Variants in WDR35 observed in about 807,000 individuals in gnomAD.
The protein encoded by WDR35 is WD repeat-containing protein 35.
WDR35 carries 118 observed loss-of-function variants against 158.3 expected under a neutral mutation model. That is an observed-to-expected ratio of 0.75 (90% CI 0.64 to 0.87). WDR35 has a LOEUF of 0.87. Ranked by LOEUF, WDR35 falls within the 40% of genes least tolerant of loss-of-function variation. WDR35 has a pLI of 0.00. For missense variants in WDR35, 1,263 were observed against 1,405.8 expected, an observed-to-expected ratio of 0.90 and a Z score of 1.62; for synonymous variants, 448 against 476.1, an observed-to-expected ratio of 0.94 and a Z score of 0.77.
intron 25 of WDR35, among the ~76,000 whole-genome samples, chr2:19,925,281 A>T (rs1314010731): frequency 6.6e-6 from 1 of 152,248 alleles, no homozygotes; most frequent in African/African-American, 2.4e-5. Context: ...TCAAATTGTT[A>T]TATCTACTTC....
rs549676443 is a variant in WDR35, at chr2:19,960,447, C to T, written c.1255+107G>A. The T allele has an allele frequency of 1.5e-4, 134 of 893,174 alleles. No homozygotes were observed. The African/African-American group carries it at 1.8e-3, about 12-fold the overall frequency. The allele number at this position is 893,174 out of a possible 1,614,324, so 55.3% of individuals were successfully genotyped here. On this transcript the variant is annotated intron_variant, in intron 11 of 26. Coordinates refer to ENST00000281405, the MANE Select transcript of WDR35 (RefSeq NM_020779.4). ...ACAAAGTAGGAAGTATGGTCATCCT[C>T]GTTTTAGAAAACACCATTCTAATTA...
chr2:19,985,721 T>TAA lies in WDR35; in HGVS notation c.143-3189_143-3188dup, dbSNP rs34506610. Among the ~76,000 whole-genome samples the TAA allele has an allele frequency of 2.9e-3, 386 of 131,534 alleles. 7 individuals carry two copies. In the East Asian group the frequency reaches 0.057, roughly 19 times the overall value. The allele number at this position is 131,534 out of a possible 152,430, so 86.3% of individuals were successfully genotyped here. A position where few individuals can be genotyped will look rare whatever the true frequency, so the allele number is the denominator to read the frequency against. On this transcript the variant is annotated intron_variant, in intron 2 of 26. Coordinates refer to ENST00000281405, the MANE Select transcript of WDR35 (RefSeq NM_020779.4). Reference sequence around the variant, plus strand: ...TAACACGGTGAAACCCCGTCTCTACTAAAAAAAAAAAAAAAAATACAAAAA... The same window carrying TAA: ...TAACACGGTGAAACCCCGTCTCTACTAAAAAAAAAAAAAAAAAAATACAAAAA...
intron 11 of WDR35, 102 bp from the exon 12 acceptor site, chr2:19,954,080 T>G: frequency 7.7e-7 from 1 of 1,300,214 alleles, no homozygotes; most frequent in Non-Finnish European, 1.1e-6. Flanking sequence ...CCTCATTTTA[T>G]AGACAATATA....
chr2:19,919,380 C>CAAAAAAA (rs1302042752), intron 25 of WDR35, among the ~76,000 whole-genome samples: 19 of 48,184 alleles, frequency 3.9e-4, no homozygotes, highest in South Asian at 1.1e-3. Flanking sequence ...GGCTCCATCT[C>CAAAAAAA]AAAAAAAAAA....
rs1319871438 is a variant in WDR35, at chr2:19,936,258, T to C, written c.2375A>G (p.Asn792Ser). 1.9e-6 allele frequency: 3 copies of C among 1,613,932 alleles called. No individual in the cohort carries two copies. The highest frequency in any genetic ancestry group is 2.2e-5 in the East Asian group (1 of 44,886). Residue 792 changes from asparagine to serine, a missense_variant, in exon 20 of 27, where the codon AAC (asparagine) becomes AGC (serine). By Grantham distance (46) the Asn-to-Ser change is conservative (BLOSUM62 1). Transcript: ENST00000281405. ...AGCAAAGTAGTCTCCAATGGCATTGTTGGCTTGTTCCAGGAGACTGTCATC... is the reference window on the plus strand; with the variant it reads ...AGCAAAGTAGTCTCCAATGGCATTGCTGGCTTGTTCCAGGAGACTGTCATC... Reference protein sequence around the residue: ...DADDSLLEQANNAIGDYFADR... With the variant: ...DADDSLLEQASNAIGDYFADR...
At chr2:19,925,715 G>C (rs1183768868) in intron 25 of WDR35, among the ~76,000 whole-genome samples, 2 of 152,124 alleles carry the variant, frequency 1.3e-5, no homozygotes, top group African/African-American at 4.8e-5. Flanking sequence ...GAGATTTATT[G>C]CAACAATGGG....
intron 2 of WDR35, among the ~76,000 whole-genome samples, chr2:19,985,166 T>A (rs1313534761): frequency 6.6e-6 from 1 of 152,188 alleles, no homozygotes; most frequent in African/African-American, 2.4e-5. Flanking sequence ...TTTTCTCTGA[T>A]GCAAATGTTG....
chr2:19,942,183 A>T (rs149318063), intron 16 of WDR35, among the ~76,000 whole-genome samples: 427 of 152,172 alleles, frequency 2.8e-3, no homozygotes, highest in African/African-American at 9.3e-3. Flanking sequence ...AATAGCATGT[A>T]ATATTCAGTC....
intron 10 of WDR35, chr2:19,962,477 C>A: frequency 1.3e-6 from 1 of 751,348 alleles, no homozygotes; most frequent in Non-Finnish European, 2.3e-6. Context: ...GCACATTTTA[C>A]ATCACATTGT....
At position 19,912,180 on chromosome 2, in the gene WDR35, C is replaced by T. The variant is rs370707532; in HGVS notation, c.*1378G>A. The T allele has an allele frequency of 2.6e-5, 4 of 152,290 alleles. No individual in the cohort carries two copies. Among genetic ancestry groups the T allele is most frequent in the African/African-American group, 9.6e-5 (4 of 41,558 alleles). The allele number at this position is 152,290 out of a possible 1,614,324, so 9.4% of individuals were successfully genotyped here. A position where few individuals can be genotyped will look rare whatever the true frequency, so the allele number is the denominator to read the frequency against. ...CAGTGTTAATCTATCATTGCTTTCT[C>T]CTTGTTCCTCACTGTGTATTGCAAA... On this transcript the variant is annotated 3_prime_UTR_variant, in exon 27 of 27. Transcript: ENST00000281405.
Position 19,973,686 on chromosome 2 carries a change from G to T in WDR35, c.759C>A (p.Gly253=). The change falls in exon 8 of 27, where the codon GGC becomes GGA. Residue 253 remains glycine, a synonymous_variant. Transcript: ENST00000281405. The part of the protein sequence containing the change: ...NDQNPVLIDT[G]MYVVGIQWNH... The stretch of plus-strand genomic sequence containing the variant: ...TCCACTGGATGCCTACTACGTACAT[G>T]CCAGTGTCAATCAAAACGGGATCTA... 1.2e-6 allele frequency: 2 copies of T among 1,614,082 alleles called. No individual in the cohort carries two copies. The highest frequency in any genetic ancestry group is 1.7e-6 in the Non-Finnish European group (2 of 1,179,976).
intron 11 of WDR35, among the ~76,000 whole-genome samples, chr2:19,957,012 T>G (rs186897544): frequency 6.6e-6 from 1 of 152,308 alleles, no homozygotes; most frequent in Non-Finnish European, 1.5e-5. Context: ...ACAACTTCCC[T>G]ATAAGGTAGG....
chr2:19,923,237 C>G (rs1370964827), intron 25 of WDR35, among the ~76,000 whole-genome samples: 1 of 152,154 alleles, frequency 6.6e-6, no homozygotes, highest in African/African-American at 2.4e-5. Flanking sequence ...GTTAGGGTCT[C>G]CCCGACCGAG....
intron 10 of WDR35, among the ~76,000 whole-genome samples, chr2:19,964,232 G>A (rs868600846): frequency 6.6e-6 from 1 of 152,192 alleles, no homozygotes; most frequent in East Asian, 1.9e-4. Context: ...GTGTCTCAAT[G>A]TGGAAATGTT....
rs899306616 is a variant in WDR35, at chr2:19,913,246, C to A, written c.*312G>T. 6.0e-5 allele frequency: 15 copies of A among 249,332 alleles called. No homozygotes were observed. Among genetic ancestry groups the A allele is most frequent in the Admixed American group, 1.5e-4 (3 of 19,924 alleles). The allele number at this position is 249,332 out of a possible 1,614,324, so 15.4% of individuals were successfully genotyped here. A position where few individuals can be genotyped will look rare whatever the true frequency, so the allele number is the denominator to read the frequency against. On this transcript the variant is annotated 3_prime_UTR_variant, in exon 27 of 27. Transcript: ENST00000281405. ...TTTAATGAATTCAGTTACCTTGACA[C>A]TGTGAGAAAAAAATTTATTTGGAAT...
At chr2:19,963,985 C>A (rs1025974557) in intron 10 of WDR35, among the ~76,000 whole-genome samples, 1 of 152,164 alleles carries the variant, frequency 6.6e-6, no homozygotes, top group Non-Finnish European at 1.5e-5. Context: ...CTCAGGTGAT[C>A]TGCCCACCTT....
intron 25 of WDR35, among the ~76,000 whole-genome samples, chr2:19,914,516 C>T (rs1442390421): frequency 1.3e-5 from 2 of 152,208 alleles, no homozygotes; most frequent in Non-Finnish European, 2.9e-5. Flanking sequence ...CTGCACATGG[C>T]TGTGCCAGCT....
Position 19,933,368 on chromosome 2 carries a change from T to G in WDR35, c.2658+33A>C, listed in dbSNP as rs1378407901. ...TTTGACTTAAAAATTCCTAAGACAA[T>G]AAGCTGCACAGACAGAAAGTTTCAG... On this transcript the variant is annotated intron_variant, in intron 22 of 26. Coordinates refer to ENST00000281405, the MANE Select transcript of WDR35 (RefSeq NM_020779.4). The G allele has an allele frequency of 2.6e-6, 4 of 1,565,516 alleles. No individual in the cohort carries two copies. In the South Asian group the frequency reaches 4.4e-5, roughly 17 times the overall value.
At chr2:19,984,863 T>C (rs1055167453) in intron 2 of WDR35, among the ~76,000 whole-genome samples, 8 of 152,168 alleles carry the variant, frequency 5.3e-5, no homozygotes, top group African/African-American at 1.2e-4. Flanking sequence ...AGAATCAAAA[T>C]ATACAGAAGA....
Sources: gnomAD v4.1 joint callset for allele counts (sites outside exome capture counted in the v4.1 genomes callset) on GRCh38, gnomAD v4.1.1 for gene constraint, MANE v1.5 for transcripts, NCBI Gene and HGNC (gene_info 2026-07-23, HGNC 2026-07-21) for gene names.